The following ABCA12 variants were observed in gnomAD, a reference collection of about 807,000 sequenced individuals.
ABCA12 encodes the protein ATP binding cassette subfamily A member 12, also known as glucosylceramide transporter ABCA12.
In ABCA12, 156 loss-of-function variants were observed where a neutral mutation model predicts 293.5. The observed-to-expected ratio is 0.53, with a 90% confidence interval of 0.47 to 0.61. The LOEUF (loss-of-function observed/expected upper bound fraction) is 0.61, where lower values mean the gene tolerates loss of function less well. Among genes scored for constraint, ABCA12 ranks in the 20% least tolerant of loss-of-function variants. ABCA12 has a pLI of 0.00. For synonymous variants in ABCA12, 1,063 were observed against 1,108.0 expected, an observed-to-expected ratio of 0.96 and a Z score of 0.81; for missense variants, 2,797 against 3,090.2, an observed-to-expected ratio of 0.91 and a Z score of 2.25.
chr2:215,018,509 C>T (rs1270514084), intron 13 of ABCA12, among the ~76,000 whole-genome samples: 2 of 152,076 alleles, frequency 1.3e-5, no homozygotes, highest in Admixed American at 6.6e-5. Context: ...AATCTGGGAT[C>T]ATGTAATATT....
chr2:215,100,260 G>A (rs1056672450), intron 2 of ABCA12, among the ~76,000 whole-genome samples: 2 of 151,836 alleles, frequency 1.3e-5, no homozygotes, highest in Non-Finnish European at 2.9e-5. Flanking sequence ...ACTCTACTTT[G>A]GCTAGACTAG....
intron 2 of ABCA12, among the ~76,000 whole-genome samples, chr2:215,070,365 A>G (rs1227739164): frequency 6.6e-6 from 1 of 152,090 alleles, no homozygotes; most frequent in African/African-American, 2.4e-5. Context: ...ATTTTTTAAA[A>G]AATCGTTCAT....
chr2:215,069,865 TA>T (rs1047538584), intron 2 of ABCA12, among the ~76,000 whole-genome samples: 16 of 152,086 alleles, frequency 1.1e-4, no homozygotes, highest in African/African-American at 3.4e-4. Flanking sequence ...AGAGACTGGA[TA>T]AAAAAATAAG....
At chr2:214,947,881 A>T (rs1450727525) in intron 47 of ABCA12, 1 of 343,114 alleles carries the variant, frequency 2.9e-6, no homozygotes, top group African/African-American at 2.1e-5. Flanking sequence ...ATAGAGCTGA[A>T]ACAGAATTCA....
At chr2:215,115,707 G>A (rs1702672362) in intron 1 of ABCA12, among the ~76,000 whole-genome samples, 1 of 152,158 alleles carries the variant, frequency 6.6e-6, no homozygotes, top group African/African-American at 2.4e-5. Flanking sequence ...TTTCTACTGA[G>A]ATGTACCATT....
chr2:214,966,753 C>T, intron 39 of ABCA12, 95 bp downstream of exon 39: 2 of 1,128,482 alleles, frequency 1.8e-6, no homozygotes, highest in South Asian at 1.3e-5. Context: ...CCATAAAATA[C>T]CTGCCACCTG....
rs147147423 is a variant in ABCA12 at position 215,048,476 on chromosome 2, C to T, written c.693+1150G>A. Reference sequence around the variant, plus strand: ...TTGGGAGGCCGAGGCAGGTGGGTCACTTGAGGTCAGGAGTTCGAGATGAGC... The same window carrying T: ...TTGGGAGGCCGAGGCAGGTGGGTCATTTGAGGTCAGGAGTTCGAGATGAGC... On this transcript the variant is annotated intron_variant, in intron 6 of 52. Transcript: ENST00000272895. 4.3e-3 allele frequency among the ~76,000 whole-genome samples: 650 copies of T among 151,820 alleles called. 4 individuals are homozygous for T. Among genetic ancestry groups the T allele is most frequent in the African/African-American group, 0.015 (608 of 41,386 alleles).
chr2:214,962,913 A>C (rs1699152200), intron 39 of ABCA12: 1 of 152,168 alleles, frequency 6.6e-6, no homozygotes, highest in South Asian at 2.1e-4. Flanking sequence ...GGACGCAGCT[A>C]AAGTAGTGTT....
rs1559214554 is a variant in ABCA12 at position 215,134,634 on chromosome 2, G to GAGAGAGAT, written c.69+3505_69+3506insATCTCTCT. Among the ~76,000 whole-genome samples, 30 of 125,002 alleles carry GAGAGAGAT rather than the reference G, an allele frequency of 2.4e-4. 4 individuals are homozygous for GAGAGAGAT. The highest frequency in any genetic ancestry group is 1.0e-3 in the African/African-American group (27 of 26,520). The allele number at this position is 125,002 out of a possible 152,430, so 82.0% of individuals were successfully genotyped here. A position where few individuals can be genotyped will look rare whatever the true frequency, so the allele number is the denominator to read the frequency against. On this transcript the variant is annotated intron_variant, in intron 1 of 52. Transcript: ENST00000272895. ...ATATATATAGAGAGAGAGAGAGAGA[G>GAGAGAGAT]AGAGAGACAAACAGAGAGAGAGAGA...
chr2:215,046,651 AC>A (rs143994952), intron 6 of ABCA12, among the ~76,000 whole-genome samples: 18,054 of 147,356 alleles, frequency 0.12, 3,160 homozygotes, highest in African/African-American at 0.43. Context: ...TGTTAAAAAA[AC>A]AATTGTAAGT....
At chr2:215,131,968 T>C (rs1161769822) in intron 1 of ABCA12, among the ~76,000 whole-genome samples, 1 of 151,982 alleles carries the variant, frequency 6.6e-6, no homozygotes, top group East Asian at 1.9e-4. Context: ...ATTTTTTTAA[T>C]TTCTGCCATT....
chr2:215,022,138 A>G (rs1259972721), intron 11 of ABCA12: 1 of 152,166 alleles, frequency 6.6e-6, no homozygotes, highest in Non-Finnish European at 1.5e-5. Flanking sequence ...TTGGGCTAAT[A>G]TATTTGTTTT....
intron 37 of ABCA12, 37 bp downstream of exon 37, chr2:214,970,236 G>C (rs1215548424): frequency 6.3e-7 from 1 of 1,579,314 alleles, no homozygotes; most frequent in African/African-American, 1.4e-5. Flanking sequence ...ATTAAAATTA[G>C]CAAGCAATTA....
At chr2:214,974,246 T>A (rs1699456574) in intron 35 of ABCA12, among the ~76,000 whole-genome samples, 2 of 152,220 alleles carry the variant, frequency 1.3e-5, no homozygotes, top group Non-Finnish European at 2.9e-5. Flanking sequence ...GGAGAGCATT[T>A]ATTGATTACA....
intron 18 of ABCA12, among the ~76,000 whole-genome samples, chr2:215,009,095 T>C (rs898318646): frequency 1.1e-4 from 16 of 152,120 alleles, no homozygotes; most frequent in African/African-American, 3.6e-4. Context: ...CAATGATAGA[T>C]TGGATAGAGA....
At chr2:215,103,267 CT>C (rs72000528) in intron 2 of ABCA12, among the ~76,000 whole-genome samples, 15 of 122,388 alleles carry the variant, frequency 1.2e-4, no homozygotes, top group South Asian at 2.5e-4. Flanking sequence ...AAATTTCTTT[CT>C]TTTTTTTTTT....
At chr2:215,020,264 C>T (rs1700598721) in intron 11 of ABCA12, among the ~76,000 whole-genome samples, 1 of 145,922 alleles carries the variant, frequency 6.9e-6, no homozygotes, top group Non-Finnish European at 1.5e-5. Flanking sequence ...GAAATTATAA[C>T]CCTTGTGCAC....
chr2:215,129,357 A>G (rs1318344055), intron 1 of ABCA12, among the ~76,000 whole-genome samples: 1 of 152,156 alleles, frequency 6.6e-6, no homozygotes, highest in Admixed American at 6.5e-5. Context: ...GTGCTGCCTG[A>G]TCTGCATCCA....
chr2:214,937,574 T>C lies in ABCA12; in HGVS notation c.7478A>G (p.Asn2493Ser). The C allele has an allele frequency of 6.2e-7, 1 of 1,613,996 alleles. No individual in the cohort carries two copies. Among genetic ancestry groups the C allele is most frequent in the Non-Finnish European group, 8.5e-7 (1 of 1,179,900 alleles). The change falls in exon 51 of 53, where the codon AAC becomes AGC. Residue 2493 changes from asparagine (N) to serine (S), a missense_variant. Asn to Ser is a conservative substitution (Grantham distance 46, BLOSUM62 1). Transcript: ENST00000272895. The part of the protein sequence containing the change: ...GFTVKVHLKN[N>S]KVTMETLTKF... ...TGTGAGGGTCTCCATGGTCACTTTG[T>C]TATTCTTCAAGTGAACTTTGACAGT...
Sources: allele counts gnomAD v4.1 joint callset (sites outside exome capture counted in the v4.1 genomes callset), GRCh38; gene constraint gnomAD v4.1.1; transcripts MANE v1.5; gene names NCBI Gene and HGNC (gene_info 2026-07-23, HGNC 2026-07-21).